The following KLHL3 variants were observed in gnomAD, a reference collection of about 807,000 sequenced individuals.
KLHL3 encodes the protein kelch like family member 3.
A neutral mutation model predicts 70.5 loss-of-function variants in KLHL3; 19 were observed. That is an observed-to-expected ratio of 0.27 (90% CI 0.19 to 0.40). The LOEUF (loss-of-function observed/expected upper bound fraction) is 0.40, where lower values mean the gene tolerates loss of function less well. Among genes scored for constraint, KLHL3 ranks in the 10% least tolerant of loss-of-function variants. KLHL3 has a pLI of 1.00. For synonymous variants in KLHL3, 258 were observed against 290.3 expected (o/e 0.89, Z 1.13); for missense variants, 512 against 771.1 (o/e 0.66, Z 3.98).
chr5:137,656,392 A>C (rs1168273849), intron 8 of KLHL3, among the ~76,000 whole-genome samples: 2 of 152,252 alleles, frequency 1.3e-5, no homozygotes, highest in Admixed American at 1.3e-4. Flanking sequence ...AAATAGTTCA[A>C]TCTGTATAGC....
In KLHL3 at chr5:137,730,912, C is replaced by T. The variant is rs148489067; in HGVS notation, c.14+4721G>A. ...AAAGTTAGATCTCTGACCTGAGAGG[C>T]ATTGAACTTATTTAACAGAAAAAAA... On this transcript the variant is annotated intron_variant, in intron 1 of 14. Transcript: ENST00000309755. Among the ~76,000 whole-genome samples, 576 of 151,890 alleles carry T rather than the reference C, an allele frequency of 3.8e-3. 5 individuals are homozygous for T. The highest frequency in any genetic ancestry group is 0.013 in the African/African-American group (551 of 41,376).
intron 7 of KLHL3, among the ~76,000 whole-genome samples, chr5:137,658,627 A>C (rs1038160181): frequency 6.6e-6 from 1 of 152,214 alleles, no homozygotes; most frequent in Non-Finnish European, 1.5e-5. Context: ...AGCCATCCTG[A>C]AAGCCTCTAA....
chr5:137,670,496 G>C (rs942816275), intron 6 of KLHL3, among the ~76,000 whole-genome samples: 1 of 151,424 alleles, frequency 6.6e-6, no homozygotes, highest in East Asian at 1.9e-4. Context: ...AAGGGGCTCA[G>C]GGGCCAAATG....
At chr5:137,625,452 G>T (rs1750435366) in intron 14 of KLHL3, among the ~76,000 whole-genome samples, 1 of 152,210 alleles carries the variant, frequency 6.6e-6, no homozygotes. Flanking sequence ...AAAATCACTT[G>T]TGACAACTCA....
chr5:137,705,933 T>C, intron 3 of KLHL3: 3 of 774,434 alleles, frequency 3.9e-6, no homozygotes, highest in South Asian at 1.2e-4. Flanking sequence ...ACAGCACTAC[T>C]GGCCTCCCCA....
intron 4 of KLHL3, among the ~76,000 whole-genome samples, chr5:137,695,610 A>G (rs2149920180): frequency 6.6e-6 from 1 of 152,346 alleles, no homozygotes; most frequent in South Asian, 2.1e-4. Context: ...AGACACAAGT[A>G]CAAAATACAT....
rs1561577254 is a variant in KLHL3 at position 137,619,126 on chromosome 5, A to G, written c.*2972T>C. ...GCCTAAAAGCTATAGCTTCAATTTT[A>G]TAAAAAGGCAATCTTTGAAAGGATC... On this transcript the variant is annotated 3_prime_UTR_variant, in exon 15 of 15. Coordinates refer to ENST00000309755, the MANE Select transcript of KLHL3 (RefSeq NM_017415.3). 6.5e-6 allele frequency: 1 copy of G among 152,694 alleles called. No homozygotes were observed. Among genetic ancestry groups the G allele is most frequent in the Non-Finnish European group, 1.5e-5 (1 of 68,048 alleles). 9.5% of individuals were successfully genotyped at this position (152,694 alleles called of 1,614,324 possible).
chr5:137,628,165 A>AATGCACACTCCCTGTTCAGGATATACGCT, intron 13 of KLHL3, 132 bp downstream of exon 13: 2 of 1,158,452 alleles, frequency 1.7e-6, no homozygotes, highest in Non-Finnish European at 1.2e-6. Context: ...CCACCTGGCA[A>AATGCACACTCCCTGTTCAGGATATACGCT]ATGCACACTC....
intron 6 of KLHL3, among the ~76,000 whole-genome samples, chr5:137,670,888 G>T (rs1382398636): frequency 1.3e-5 from 2 of 150,354 alleles, no homozygotes; most frequent in Non-Finnish European, 3.0e-5. Context: ...CAGGAGAAAC[G>T]CTTGAACCTG....
chr5:137,645,521 C>T (rs1236348286), intron 8 of KLHL3, among the ~76,000 whole-genome samples: 5 of 151,290 alleles, frequency 3.3e-5, no homozygotes, highest in Non-Finnish European at 7.4e-5. Context: ...AGTGAACTAT[C>T]TGAAAAAGAA....
Position 137,698,498 on chromosome 5 carries a change from A to G in KLHL3, c.242-90T>C. The stretch of plus-strand genomic sequence containing the variant: ...TGGTCTCCTGCCCTGTCTTGGAAAC[A>G]TAAAAGCACTTCCTGGGCTCCAGGA... On this transcript the variant is annotated intron_variant, in intron 3 of 14. Transcript: ENST00000309755. The G allele has an allele frequency of 4.7e-6, 7 of 1,479,904 alleles. No individual in the cohort carries two copies. In the South Asian group the frequency reaches 6.1e-5, roughly 13 times the overall value. The allele number at this position is 1,479,904 out of a possible 1,614,324, so 91.7% of individuals were successfully genotyped here.
chr5:137,653,249 CA>C lies in KLHL3; in HGVS notation c.903+4881del, dbSNP rs201415598. Among the ~76,000 whole-genome samples, 13 of 146,060 alleles carry C rather than the reference CA, an allele frequency of 8.9e-5. 1 individual carries two copies. The highest frequency in any genetic ancestry group is 2.2e-4 in the South Asian group (1 of 4,620). ...TGGGCAACAGAGTAAGACTCCGTCT[CA>C]AAAAAAAAATAATAATTAATTAGTT... On this transcript the variant is annotated intron_variant, in intron 8 of 14. Coordinates refer to ENST00000309755, the MANE Select transcript of KLHL3 (RefSeq NM_017415.3).
At chr5:137,707,202 A>G (rs1038950968) in intron 3 of KLHL3, among the ~76,000 whole-genome samples, 1 of 152,238 alleles carries the variant, frequency 6.6e-6, no homozygotes, top group Non-Finnish European at 1.5e-5. Flanking sequence ...TGGGAGCCGA[A>G]GCAGGTGGAT....
chr5:137,695,875 A>T (rs1387881927), intron 4 of KLHL3, among the ~76,000 whole-genome samples: 1 of 152,210 alleles, frequency 6.6e-6, no homozygotes, highest in Non-Finnish European at 1.5e-5. Context: ...GGAGGCTGAG[A>T]TCAGAGGAGT....
At chr5:137,710,635 C>G (rs898087818) in intron 2 of KLHL3, among the ~76,000 whole-genome samples, 1 of 152,150 alleles carries the variant, frequency 6.6e-6, no homozygotes, top group Admixed American at 6.5e-5. Flanking sequence ...AGGGATCTGA[C>G]TACTTTAGAG....
At chr5:137,711,705 A>G (rs1269375179) in intron 2 of KLHL3, among the ~76,000 whole-genome samples, 1 of 151,910 alleles carries the variant, frequency 6.6e-6, no homozygotes, top group Non-Finnish European at 1.5e-5. Context: ...AGCTCACCCC[A>G]TTTTTCTCAC....
chr5:137,694,157 A>C lies in KLHL3; in HGVS notation c.364-1710T>G, dbSNP rs553068030. ...ATCAGTGCTCGAACTCCTGAGCCAA[A>C]TGCCTACGCTCAACAAGGAAAGCTG... On this transcript the variant is annotated intron_variant, in intron 4 of 14. Coordinates refer to ENST00000309755, the MANE Select transcript of KLHL3 (RefSeq NM_017415.3). Among the ~76,000 whole-genome samples, 4 of 151,980 alleles carry C rather than the reference A, an allele frequency of 2.6e-5. No homozygotes were observed. In the South Asian group the frequency reaches 6.3e-4, roughly 24 times the overall value.
At chr5:137,675,270 T>C (rs979934010) in intron 6 of KLHL3, among the ~76,000 whole-genome samples, 10 of 152,226 alleles carry the variant, frequency 6.6e-5, no homozygotes, top group Admixed American at 6.5e-4. Context: ...AATTTTTAAG[T>C]GTATACATTT....
rs578038562 is a variant in KLHL3, at chr5:137,706,296, C to T, written c.241+3454G>A. 2.5e-5 allele frequency: 25 copies of T among 985,446 alleles called. No homozygotes were observed. In the East Asian group the frequency reaches 1.5e-3, roughly 58 times the overall value. The allele number at this position is 985,446 out of a possible 1,614,324, so 61.0% of individuals were successfully genotyped here. A position where few individuals can be genotyped will look rare whatever the true frequency, so the allele number is the denominator to read the frequency against. On this transcript the variant is annotated intron_variant, in intron 3 of 14. Coordinates refer to ENST00000309755, the MANE Select transcript of KLHL3 (RefSeq NM_017415.3). The stretch of plus-strand genomic sequence containing the variant: ...GGATCTAACGAGAGTCAGCCTCTTA[C>T]TCTCAGTACACAATGCATTTTACAC...
Sources: allele counts gnomAD v4.1 joint callset (sites outside exome capture counted in the v4.1 genomes callset), GRCh38; gene constraint gnomAD v4.1.1; transcripts MANE v1.5; gene names NCBI Gene and HGNC (gene_info 2026-07-23, HGNC 2026-07-21).